Variants in SLIT3 observed in about 807,000 individuals in gnomAD.
The protein encoded by SLIT3 is slit homolog 3 protein.
Under a neutral mutation model 184.0 loss-of-function variants are expected in SLIT3, and 68 were observed. That is an observed-to-expected ratio of 0.37 (90% confidence interval 0.30 to 0.45). SLIT3 has a LOEUF of 0.45. Ranked by LOEUF, SLIT3 falls within the 20% of genes least tolerant of loss-of-function variation. The pLI, the probability that SLIT3 is intolerant of heterozygous loss-of-function variation, is 1.00. For synonymous variants in SLIT3, 831 were observed against 828.6 expected (o/e 1.00, Z -0.05); for missense variants, 1,707 against 2,026.0 (o/e 0.84, Z 3.02).
intron 5 of SLIT3, among the ~76,000 whole-genome samples, chr5:168,869,671 T>C (rs926364619): frequency 3.9e-5 from 6 of 152,168 alleles, no homozygotes; most frequent in African/African-American, 1.2e-4. Flanking sequence ...GTTGTCTCTA[T>C]TAGCAGAAAG....
chr5:168,697,987 G>A (rs1482144999), intron 27 of SLIT3, among the ~76,000 whole-genome samples: 1 of 152,202 alleles, frequency 6.6e-6, no homozygotes, highest in Non-Finnish European at 1.5e-5. Flanking sequence ...GAAGGAGGCT[G>A]ATGTCTCCCT....
At chr5:169,022,105 G>T (rs1282085637) in intron 4 of SLIT3, 1 of 152,234 alleles carries the variant, frequency 6.6e-6, no homozygotes, top group East Asian at 1.9e-4. Context: ...AAGCCTCTGA[G>T]AATTCCCTTG....
chr5:169,007,760 G>A (rs1037831684), intron 4 of SLIT3, among the ~76,000 whole-genome samples: 4 of 152,174 alleles, frequency 2.6e-5, no homozygotes. Context: ...AACTAATGCA[G>A]TTATAATGCA....
chr5:169,066,409 A>G lies in SLIT3; in HGVS notation c.413+127070T>C, dbSNP rs10076866. Reference sequence around the variant, plus strand: ...AAGAGGAGGCAATCTGCAAAATAAGAAATTCAAATGGCCAACATATGCATG... The same window carrying G: ...AAGAGGAGGCAATCTGCAAAATAAGGAATTCAAATGGCCAACATATGCATG... On this transcript the variant is annotated intron_variant, in intron 4 of 35. Coordinates refer to ENST00000519560, the MANE Select transcript of SLIT3 (RefSeq NM_003062.4). Among the ~76,000 whole-genome samples, 1,185 of 152,350 alleles carry G rather than the reference A, an allele frequency of 7.8e-3. 15 individuals are homozygous for G. The highest frequency in any genetic ancestry group is 0.027 in the African/African-American group (1,112 of 41,576).
intron 29 of SLIT3, among the ~76,000 whole-genome samples, chr5:168,687,894 C>T (rs867460270): frequency 1.6e-4 from 24 of 152,190 alleles, no homozygotes; most frequent in African/African-American, 4.8e-4. Flanking sequence ...ATGGGAACAC[C>T]TGCTCTGCCC....
chr5:169,139,929 G>A (rs891987760), intron 4 of SLIT3, among the ~76,000 whole-genome samples: 4 of 152,106 alleles, frequency 2.6e-5, no homozygotes, highest in African/African-American at 4.8e-5. Context: ...TATATTAACC[G>A]CAGCTCAGAC....
chr5:168,861,050 G>C (rs748719960), intron 5 of SLIT3, among the ~76,000 whole-genome samples: 2 of 152,228 alleles, frequency 1.3e-5, no homozygotes, highest in Non-Finnish European at 2.9e-5. Flanking sequence ...CCCAGGGTCT[G>C]GTCTGGCCAA....
chr5:168,687,625 T>C (rs1166950877), intron 29 of SLIT3, among the ~76,000 whole-genome samples: 1 of 152,190 alleles, frequency 6.6e-6, no homozygotes, highest in Non-Finnish European at 1.5e-5. Flanking sequence ...TCTAAGTGGG[T>C]CAGTCACTCA....
chr5:169,267,779 C>G (rs1360435248), intron 1 of SLIT3, among the ~76,000 whole-genome samples: 1 of 152,180 alleles, frequency 6.6e-6, no homozygotes, highest in African/African-American at 2.4e-5. Context: ...GGTTGCCCAC[C>G]ATGTCTTTGT....
chr5:169,232,206 C>G (rs1468224087), intron 3 of SLIT3, among the ~76,000 whole-genome samples: 16 of 152,298 alleles, frequency 1.1e-4, no homozygotes, highest in African/African-American at 3.8e-4. Context: ...GAAATATCAA[C>G]TACCTCAAGG....
intron 1 of SLIT3, among the ~76,000 whole-genome samples, chr5:169,264,655 C>T (rs1766328940): frequency 6.6e-6 from 1 of 152,126 alleles, no homozygotes; most frequent in Non-Finnish European, 1.5e-5. Flanking sequence ...AATCACCTTC[C>T]TACCAGGTCA....
intron 34 of SLIT3, among the ~76,000 whole-genome samples, chr5:168,670,973 T>C (rs537237046): frequency 1.3e-5 from 2 of 152,098 alleles, no homozygotes; most frequent in South Asian, 2.1e-4. Context: ...CAGAGACTAG[T>C]GTTTTGAGCA....
chr5:168,760,917 C>A lies in SLIT3; in HGVS notation c.1630G>T (p.Val544Leu). ...VTDLRLNDNE[V>L]SVLEATGIFK... Reference sequence around the variant, plus strand: ...ATGCCAGTGGCCTCCAGAACAGATACCTCATTGTCATTCAGTCGCCTGTGT... The same window carrying A: ...ATGCCAGTGGCCTCCAGAACAGATAACTCATTGTCATTCAGTCGCCTGTGT... The change falls in exon 16 of 36, where the codon GTA (valine) becomes TTA (leucine). Residue 544 changes from valine (V) to leucine (L), a missense_variant. Val to Leu is a conservative substitution (Grantham distance 32, BLOSUM62 1). Transcript: ENST00000519560. 1 of 1,613,918 alleles carries A rather than the reference C, an allele frequency of 6.2e-7. No individual in the cohort carries two copies. Among genetic ancestry groups the A allele is most frequent in the African/African-American group, 1.3e-5 (1 of 75,046 alleles).
chr5:168,800,765 A>T (rs938600839), intron 9 of SLIT3, among the ~76,000 whole-genome samples: 1 of 152,254 alleles, frequency 6.6e-6, no homozygotes, highest in Non-Finnish European at 1.5e-5. Flanking sequence ...GACACAGCAC[A>T]GAGCCAGATT....
chr5:169,189,066 C>T (rs959010050), intron 4 of SLIT3, among the ~76,000 whole-genome samples: 2 of 152,070 alleles, frequency 1.3e-5, no homozygotes, highest in African/African-American at 4.8e-5. Context: ...TTTTGCAGAC[C>T]ACAGCGATAT....
In SLIT3 at chr5:168,731,641, G is replaced by A. The variant is rs140049716; in HGVS notation, c.2271-7157C>T. Among the ~76,000 whole-genome samples the A allele has an allele frequency of 2.9e-4, 44 of 152,114 alleles. No homozygotes were observed. In the East Asian group the frequency reaches 6.8e-3, roughly 23 times the overall value. Reference sequence around the variant, plus strand: ...TTGTGATTTATTCCAGGAATGAAAGGATGCTTCAATATACGCAAATCAATA... The same window carrying A: ...TTGTGATTTATTCCAGGAATGAAAGAATGCTTCAATATACGCAAATCAATA... On this transcript the variant is annotated intron_variant, in intron 20 of 35. Coordinates refer to ENST00000519560, the MANE Select transcript of SLIT3 (RefSeq NM_003062.4).
intron 3 of SLIT3, among the ~76,000 whole-genome samples, chr5:169,215,602 A>G (rs548848842): frequency 6.6e-6 from 1 of 152,232 alleles, no homozygotes; most frequent in African/African-American, 2.4e-5. Flanking sequence ...TTCCAATAAA[A>G]CTTTATTTAT....
chr5:168,694,264 CT>C lies in SLIT3; in HGVS notation c.3083-1565del, dbSNP rs372226125. ...TCAAGCCCCTCCCCTGCCACAAAGC[CT>C]TTGTTAGAGCCCCACTGCCCTCTCC... On this transcript the variant is annotated intron_variant, in intron 28 of 35. Coordinates refer to ENST00000519560, the MANE Select transcript of SLIT3 (RefSeq NM_003062.4). 4.6e-3 allele frequency among the ~76,000 whole-genome samples: 697 copies of C among 152,286 alleles called. 4 individuals are homozygous for C. Among genetic ancestry groups the C allele is most frequent in the Middle Eastern group, 0.014 (4 of 294 alleles).
chr5:169,081,191 C>A (rs1759028605), intron 4 of SLIT3, among the ~76,000 whole-genome samples: 1 of 152,236 alleles, frequency 6.6e-6, no homozygotes, highest in Non-Finnish European at 1.5e-5. Context: ...TCAGGTTGAA[C>A]TCTGCCTCCC....
Sources: gnomAD v4.1 joint callset for allele counts (sites outside exome capture counted in the v4.1 genomes callset) on GRCh38, gnomAD v4.1.1 for gene constraint, MANE v1.5 for transcripts, NCBI Gene and HGNC (gene_info 2026-07-23, HGNC 2026-07-21) for gene names.